The following PLD5 variants were observed in gnomAD, a reference collection of about 807,000 sequenced individuals.
PLD5 encodes phospholipase D family member 5, also known as inactive phospholipase D5.
A neutral mutation model predicts 61.1 loss-of-function variants in PLD5; 36 were observed. That is an observed-to-expected ratio of 0.59 (90% CI 0.45 to 0.78). The LOEUF is 0.78. Among genes scored for constraint, PLD5 ranks in the 30% least tolerant of loss-of-function variants. The probability of loss-of-function intolerance (pLI) is 0.00; values close to 1 mark genes in which losing one functional copy is unlikely to be tolerated. For missense variants in PLD5, 515 were observed against 644.4 expected (o/e 0.80, Z 2.17); for synonymous variants, 243 against 242.8 (o/e 1.00, Z -0.01).
At chr1:242,184,725 T>A (rs1423028644) in intron 5 of PLD5, among the ~76,000 whole-genome samples, 1 of 152,178 alleles carries the variant, frequency 6.6e-6, no homozygotes, top group Non-Finnish European at 1.5e-5. Context: ...ACTTGAGGTT[T>A]GAAATTCCTT....
At chr1:242,312,508 AT>A (rs1336222005) in intron 2 of PLD5, among the ~76,000 whole-genome samples, 2 of 151,960 alleles carry the variant, frequency 1.3e-5, no homozygotes, top group Admixed American at 6.6e-5. Context: ...GTTCTATTGT[AT>A]TGCTCAAAGA....
chr1:242,163,553 G>T (rs1259650137), intron 5 of PLD5, among the ~76,000 whole-genome samples: 2 of 152,112 alleles, frequency 1.3e-5, no homozygotes, highest in Non-Finnish European at 2.9e-5. Flanking sequence ...AAGAGAAAGA[G>T]GTGGAAAGGA....
rs371429804 is a variant in PLD5 at position 242,324,387 on chromosome 1, G to A, written c.326+23719C>T. On this transcript the variant is annotated intron_variant, in intron 2 of 9. Transcript: ENST00000536534. ...TTACTTTTTGCTAAAAACAAAGTAAGTTTGTAAAGTGCATACTTTGCGTGA... is the reference window on the plus strand; with the variant it reads ...TTACTTTTTGCTAAAAACAAAGTAAATTTGTAAAGTGCATACTTTGCGTGA... 8.1e-3 allele frequency among the ~76,000 whole-genome samples: 1,232 copies of A among 152,028 alleles called. 16 individuals are homozygous for A. Among genetic ancestry groups the A allele is most frequent in the African/African-American group, 0.028 (1,167 of 41,518 alleles).
intron 1 of PLD5, among the ~76,000 whole-genome samples, chr1:242,469,724 G>A (rs1667381538): frequency 6.6e-6 from 1 of 152,088 alleles, no homozygotes; most frequent in Admixed American, 6.5e-5. Context: ...TTGCCCAGGT[G>A]TAGAAGCTCT....
At chr1:242,158,147 G>C (rs1185363643) in intron 5 of PLD5, among the ~76,000 whole-genome samples, 1 of 152,162 alleles carries the variant, frequency 6.6e-6, no homozygotes, top group African/African-American at 2.4e-5. Context: ...AATGGCAGAC[G>C]CCCCTTCCCC....
chr1:242,292,494 A>G (rs1384987017), intron 2 of PLD5, among the ~76,000 whole-genome samples: 3 of 152,180 alleles, frequency 2.0e-5, no homozygotes, highest in Admixed American at 6.5e-5. Flanking sequence ...TACTGTCCCT[A>G]TGGCTTCTCT....
chr1:242,528,867 T>G (rs1431358274), upstream of PLD5, among the ~76,000 whole-genome samples: 1 of 152,212 alleles, frequency 6.6e-6, no homozygotes, highest in Non-Finnish European at 1.5e-5. Flanking sequence ...ATAAGTTGTA[T>G]TTTTCACAGG....
chr1:242,332,481 C>G (rs865829625), intron 2 of PLD5, among the ~76,000 whole-genome samples: 3 of 152,184 alleles, frequency 2.0e-5, no homozygotes, highest in South Asian at 4.1e-4. Context: ...AATGGTTGAA[C>G]TAATTTACAC....
chr1:242,285,685 G>A lies in PLD5; in HGVS notation c.495+2677C>T, dbSNP rs555090050. On this transcript the variant is annotated intron_variant, in intron 3 of 9. Coordinates refer to ENST00000536534, the MANE Select transcript of PLD5 (RefSeq NM_001372062.1). ...TACCACCTGCTATAAAATAGAACAT[G>A]GAAAATACAACTAATGAACTTGTGA... 5.9e-5 allele frequency among the ~76,000 whole-genome samples: 9 copies of A among 151,402 alleles called. No homozygotes were observed. The South Asian group carries it at 1.9e-3, about 32-fold the overall frequency.
chr1:242,349,284 C>G (rs200078834), intron 1 of PLD5, among the ~76,000 whole-genome samples: 1 of 152,230 alleles, frequency 6.6e-6, no homozygotes, highest in East Asian at 1.9e-4. Flanking sequence ...TTCTAGGTAG[C>G]GGGCTTCAGA....
intron 4 of PLD5, among the ~76,000 whole-genome samples, chr1:242,241,246 C>T (rs188363624): frequency 4.6e-5 from 7 of 152,168 alleles, no homozygotes; most frequent in African/African-American, 7.2e-5. Flanking sequence ...AAACATCACC[C>T]GCTAGACAAA....
intron 1 of PLD5, among the ~76,000 whole-genome samples, chr1:242,432,548 A>C (rs1665776761): frequency 6.6e-6 from 1 of 152,224 alleles, no homozygotes; most frequent in Non-Finnish European, 1.5e-5. Context: ...GCTTAAAGCC[A>C]CTGACAGATT....
At chr1:242,444,749 C>CTA (rs566895201) in intron 1 of PLD5, among the ~76,000 whole-genome samples, 510 of 3,092 alleles carry the variant, frequency 0.16, 4 homozygotes, top group African/African-American at 0.38. Context: ...ATAAAGTAGG[C>CTA]TATATATATA....
intron 1 of PLD5, 151 bp downstream of exon 1, chr1:242,523,937 A>G: frequency 2.4e-6 from 2 of 833,808 alleles, no homozygotes; most frequent in South Asian, 1.8e-5. Flanking sequence ...AACTGCAGGC[A>G]GAGAAGCCCC....
chr1:242,268,184 C>G (rs955346416), intron 3 of PLD5, among the ~76,000 whole-genome samples: 3 of 152,132 alleles, frequency 2.0e-5, no homozygotes, highest in African/African-American at 7.2e-5. Flanking sequence ...CCATTCTACT[C>G]TTACTCCATT....
At chr1:242,346,054 C>A (rs1287833616) in intron 2 of PLD5, among the ~76,000 whole-genome samples, 2 of 78,542 alleles carry the variant, frequency 2.5e-5, no homozygotes, top group Admixed American at 1.6e-4. Flanking sequence ...ATATTTATAT[C>A]ACATATATAT....
At chr1:242,405,953 A>G (rs1340534678) in intron 1 of PLD5, among the ~76,000 whole-genome samples, 1 of 152,074 alleles carries the variant, frequency 6.6e-6, no homozygotes, top group Non-Finnish European at 1.5e-5. Flanking sequence ...ACAGTTTCAC[A>G]TGATTGAGCA....
intron 1 of PLD5, among the ~76,000 whole-genome samples, chr1:242,522,988 G>A (rs1245393102): frequency 6.6e-6 from 1 of 152,170 alleles, no homozygotes; most frequent in African/African-American, 2.4e-5. Flanking sequence ...CCTTCTTCGC[G>A]TGTTTCCTCC....
At chr1:242,165,784 A>C in intron 5 of PLD5, among the ~76,000 whole-genome samples, 1 of 152,168 alleles carries the variant, frequency 6.6e-6, no homozygotes, top group South Asian at 2.1e-4. Context: ...AGATGATGAG[A>C]ACTCAGAAGC....
Sources: gnomAD v4.1 joint callset for allele counts (sites outside exome capture counted in the v4.1 genomes callset) on GRCh38, gnomAD v4.1.1 for gene constraint, MANE v1.5 for transcripts, NCBI Gene and HGNC (gene_info 2026-07-23, HGNC 2026-07-21) for gene names.